TRABD2A: variants seen among roughly 807,000 people sequenced by gnomAD.
TRABD2A encodes metalloprotease TIKI1.
In TRABD2A, 43 loss-of-function variants were observed where a neutral mutation model predicts 45.6. The ratio of observed to expected loss-of-function variants is 0.94; its 90% CI spans 0.74 to 1.22. TRABD2A has a LOEUF of 1.22. Among genes scored for constraint, TRABD2A ranks in the 50% most tolerant of loss-of-function variants. TRABD2A has a pLI of 0.00. For missense variants in TRABD2A, 642 were observed against 652.4 expected (o/e 0.98, Z 0.17); for synonymous variants, 269 against 265.0 (o/e 1.02, Z -0.15).
intron 2 of TRABD2A, among the ~76,000 whole-genome samples, chr2:84,855,184 A>G (rs757067866): frequency 5.9e-5 from 9 of 152,204 alleles, no homozygotes; most frequent in Non-Finnish European, 1.3e-4. Flanking sequence ...TCATCTTTAT[A>G]GGCCAAATAC....
At chr2:84,827,210 G>C (rs1681175311) in intron 5 of TRABD2A, among the ~76,000 whole-genome samples, 1 of 152,046 alleles carries the variant, frequency 6.6e-6, no homozygotes, top group Non-Finnish European at 1.5e-5. Flanking sequence ...TACAATATAG[G>C]GCTACCCCCT....
chr2:84,840,654 T>C (rs953847028), intron 3 of TRABD2A, among the ~76,000 whole-genome samples: 1 of 152,240 alleles, frequency 6.6e-6, no homozygotes, highest in Non-Finnish European at 1.5e-5. Context: ...CATTAACTTT[T>C]TTCTGCTGCT....
intron 5 of TRABD2A, among the ~76,000 whole-genome samples, chr2:84,824,568 T>G (rs1443684168): frequency 6.9e-5 from 6 of 87,420 alleles, no homozygotes; most frequent in African/African-American, 3.0e-4. Flanking sequence ...TTTTTTTTTT[T>G]GAGATCGGGT....
intron 2 of TRABD2A, among the ~76,000 whole-genome samples, chr2:84,869,734 C>T (rs1345633103): frequency 6.6e-6 from 1 of 152,120 alleles, no homozygotes; most frequent in Non-Finnish European, 1.5e-5. Flanking sequence ...AATCCCAGCA[C>T]TTTGGGAGGC....
chr2:84,843,258 T>C (rs1357689155), intron 2 of TRABD2A, among the ~76,000 whole-genome samples: 2 of 152,102 alleles, frequency 1.3e-5, no homozygotes, highest in East Asian at 3.9e-4. Context: ...TTTGCTGCAA[T>C]ACAGACAGGC....
chr2:84,855,750 GA>G, intron 2 of TRABD2A, among the ~76,000 whole-genome samples: 1 of 152,068 alleles, frequency 6.6e-6, no homozygotes, highest in South Asian at 2.1e-4. Flanking sequence ...ATTTGCAGCA[GA>G]CCTTTTTCTC....
At chr2:84,823,541 G>A (rs756074003) in intron 6 of TRABD2A, among the ~76,000 whole-genome samples, 1 of 152,178 alleles carries the variant, frequency 6.6e-6, no homozygotes, top group Non-Finnish European at 1.5e-5. Flanking sequence ...TTGGTGTAGG[G>A]TCACGACCCT....
rs532572108 is a variant in TRABD2A, at chr2:84,864,009, ATT to A, written c.669+6214_669+6215del. On this transcript the variant is annotated intron_variant, in intron 2 of 6. Coordinates refer to ENST00000409520, the MANE Select transcript of TRABD2A (RefSeq NM_001277053.2). ...AAGTCATCTATGAGCATCATAGTCAATTTTTTTTTTTTAATGAGATCTCCTGC... is the reference window on the plus strand; with the variant it reads ...AAGTCATCTATGAGCATCATAGTCAATTTTTTTTTTAATGAGATCTCCTGC... Among the ~76,000 whole-genome samples the A allele has an allele frequency of 1.3e-3, 196 of 148,572 alleles. 1 individual carries two copies. The highest frequency in any genetic ancestry group is 4.3e-3 in the African/African-American group (177 of 40,724).
chr2:84,823,550 CTTCCCT>C (rs1243991686), intron 6 of TRABD2A, among the ~76,000 whole-genome samples: 3 of 152,194 alleles, frequency 2.0e-5, no homozygotes, highest in Admixed American at 1.3e-4. Context: ...GGTCACGACC[CTTCCCT>C]TACAATGTGG....
intron 4 of TRABD2A, chr2:84,833,601 AC>A (rs1432690888): frequency 6.6e-6 from 1 of 152,044 alleles, no homozygotes; most frequent in Non-Finnish European, 1.5e-5. Context: ...TGCTAACCAC[AC>A]AGCTTTTAAG....
chr2:84,832,209 C>T, intron 4 of TRABD2A, 64 bp from the exon 5 acceptor site: 1 of 1,547,320 alleles, frequency 6.5e-7, no homozygotes, highest in East Asian at 2.2e-5. Context: ...ACTCCCCAAA[C>T]ACACACCCTA....
At chr2:84,871,197 C>A (rs766111146) in intron 1 of TRABD2A, among the ~76,000 whole-genome samples, 4 of 152,178 alleles carry the variant, frequency 2.6e-5, no homozygotes, top group Middle Eastern at 3.2e-3. Flanking sequence ...TGAGATTGTG[C>A]CATGCCTGCC....
At chr2:84,859,714 C>T (rs542859967) in intron 2 of TRABD2A, among the ~76,000 whole-genome samples, 4 of 152,254 alleles carry the variant, frequency 2.6e-5, no homozygotes, top group East Asian at 3.9e-4. Flanking sequence ...CCCAGAGGGC[C>T]GGTTAGATCA....
At chr2:84,825,243 G>A (rs111822064) in intron 5 of TRABD2A, among the ~76,000 whole-genome samples, 29 of 152,190 alleles carry the variant, frequency 1.9e-4, no homozygotes, top group Non-Finnish European at 3.4e-4. Context: ...CAATTACTTA[G>A]CCTTGAGGAA....
At chr2:84,828,507 C>T (rs1681213586) in intron 5 of TRABD2A, among the ~76,000 whole-genome samples, 3 of 152,318 alleles carry the variant, frequency 2.0e-5, no homozygotes, top group South Asian at 4.1e-4. Flanking sequence ...TTCTCCCCAA[C>T]CCACTTCCCT....
Position 84,832,132 on chromosome 2 carries a change from G to A in TRABD2A, c.1005C>T (p.Gly335=). 6.2e-7 allele frequency: 1 copy of A among 1,614,022 alleles called. No individual in the cohort carries two copies. Among genetic ancestry groups the A allele is most frequent in the East Asian group, 2.2e-5 (1 of 44,882 alleles). The change falls in exon 5 of 7, where the codon GGC becomes GGT. Residue 335 remains glycine (G), a synonymous_variant. Transcript: ENST00000409520. ...GCAAAACATCCAGCACTGTGTTGTT[G>A]CCCATGAAATGACCTGCAGTGAGAA... is the stretch of plus-strand genomic sequence containing the variant. The part of the protein sequence containing the change: ...FFAFGAGHFM[G]NNTVLDVLRR...
At chr2:84,844,519 T>C (rs1681821765) in intron 2 of TRABD2A, among the ~76,000 whole-genome samples, 1 of 152,202 alleles carries the variant, frequency 6.6e-6, no homozygotes, top group African/African-American at 2.4e-5. Context: ...GACTGGTACA[T>C]GTGGGATCAC....
At chr2:84,823,430 C>T (rs1209334200) in intron 6 of TRABD2A, among the ~76,000 whole-genome samples, 1 of 152,156 alleles carries the variant, frequency 6.6e-6, no homozygotes, top group South Asian at 2.1e-4. Flanking sequence ...ATTCCTGCTC[C>T]CAGCCTCTCT....
At chr2:84,863,991 C>G (rs1682591978) in intron 2 of TRABD2A, among the ~76,000 whole-genome samples, 1 of 151,470 alleles carries the variant, frequency 6.6e-6, no homozygotes, top group Non-Finnish European at 1.5e-5. Flanking sequence ...GAAAAGTCAT[C>G]TATGAGCATC....
Sources: gnomAD v4.1 joint callset for allele counts (sites outside exome capture counted in the v4.1 genomes callset) on GRCh38, gnomAD v4.1.1 for gene constraint, MANE v1.5 for transcripts, NCBI Gene and HGNC (gene_info 2026-07-23, HGNC 2026-07-21) for gene names.